MTHFD1L: variants seen among roughly 807,000 people sequenced by gnomAD.
MTHFD1L encodes the protein methylenetetrahydrofolate dehydrogenase (NADP+ dependent) 1 like.
Under a neutral mutation model 119.5 loss-of-function variants are expected in MTHFD1L, and 81 were observed. The ratio of observed to expected loss-of-function variants is 0.68; its 90% CI spans 0.57 to 0.82. MTHFD1L has a LOEUF of 0.82. Ranked by LOEUF, MTHFD1L falls within the 40% of genes least tolerant of loss-of-function variation. MTHFD1L has a pLI of 0.00. For missense variants in MTHFD1L, 1,125 were observed against 1,253.4 expected (o/e 0.90, Z 1.55); for synonymous variants, 430 against 475.2 (o/e 0.90, Z 1.24).
chr6:151,086,464 G>A (rs1793817433), intron 26 of MTHFD1L, among the ~76,000 whole-genome samples: 1 of 152,134 alleles, frequency 6.6e-6, no homozygotes. Flanking sequence ...CCTAATTTCT[G>A]AGCAATTTTT....
intron 26 of MTHFD1L, among the ~76,000 whole-genome samples, chr6:151,048,115 C>T (rs1247123596): frequency 1.3e-5 from 2 of 152,196 alleles, no homozygotes; most frequent in Admixed American, 6.5e-5. Context: ...CCTCCTCCAA[C>T]ACTGAAGATC....
chr6:151,001,936 G>C (rs562743260), intron 20 of MTHFD1L, among the ~76,000 whole-genome samples: 56 of 152,270 alleles, frequency 3.7e-4, no homozygotes, highest in African/African-American at 1.3e-3. Flanking sequence ...AGTAAAGGAA[G>C]GGAGGGTGGG....
intron 21 of MTHFD1L, among the ~76,000 whole-genome samples, chr6:151,012,045 A>AAAAAAAAAAAAAAAAAAC (rs1158473740): frequency 6.8e-6 from 1 of 147,566 alleles, no homozygotes; most frequent in Non-Finnish European, 1.5e-5. Flanking sequence ...AAAAAAAAAA[A>AAAAAAAAAAAAAAAAAAC]AAAAAACCAG....
Position 150,866,596 on chromosome 6 carries a change from G to T in MTHFD1L, c.227+547G>T. 2.5e-6 allele frequency: 3 copies of T among 1,221,632 alleles called. No homozygotes were observed. The South Asian group carries it at 1.2e-4, about 50-fold the overall frequency. The allele number at this position is 1,221,632 out of a possible 1,614,324, so 75.7% of individuals were successfully genotyped here. A position where few individuals can be genotyped will look rare whatever the true frequency, so the allele number is the denominator to read the frequency against. On this transcript the variant is annotated intron_variant, in intron 1 of 27. Coordinates refer to ENST00000367321, the MANE Select transcript of MTHFD1L (RefSeq NM_015440.5). Reference sequence around the variant, plus strand: ...GCGCGCGGCCCCTCCTGCTGGGCTGGGGTCTGTGGCTGACGTCCGCTTTTC... The same window carrying T: ...GCGCGCGGCCCCTCCTGCTGGGCTGTGGTCTGTGGCTGACGTCCGCTTTTC...
At chr6:150,887,238 G>A (rs966008566) in intron 6 of MTHFD1L, among the ~76,000 whole-genome samples, 5 of 152,062 alleles carry the variant, frequency 3.3e-5, no homozygotes, top group African/African-American at 1.2e-4. Flanking sequence ...TTTTCATTAC[G>A]TGGATTATCA....
rs1381721937 is a variant in MTHFD1L, at chr6:150,972,008, T to A, written c.2075T>A (p.Val692Glu). Reference sequence around the variant, plus strand: ...AACATTGCTCACGGCAACTCTTCAGTGTTGGCTGATAAAATTGCCCTGAAA... The same window carrying A: ...AACATTGCTCACGGCAACTCTTCAGAGTTGGCTGATAAAATTGCCCTGAAA... ...FANIAHGNSSVLADKIALKLV... is the reference protein window; with the variant it reads ...FANIAHGNSSELADKIALKLV... The change falls in exon 20 of 28, where the codon GTG becomes GAG. Residue 692 changes from valine to glutamate, a missense_variant. Physicochemically the swap from Val to Glu is moderately radical, Grantham distance 121 (BLOSUM62 -2). Around this residue, in one of 3 missense-constraint regions of MTHFD1L, gnomAD observed 1,058 missense variants for 1,151.2 expected, o/e 0.92. Transcript: ENST00000367321. The A allele has an allele frequency of 2.4e-5, 38 of 1,614,204 alleles. No individual in the cohort carries two copies. Among genetic ancestry groups the A allele is most frequent in the Non-Finnish European group, 3.2e-5 (38 of 1,180,034 alleles).
intron 12 of MTHFD1L, among the ~76,000 whole-genome samples, chr6:150,937,201 C>T (rs1032652748): frequency 2.6e-5 from 4 of 152,126 alleles, no homozygotes; most frequent in African/African-American, 4.8e-5. Context: ...GCCTCGAGTG[C>T]GGTCTCCCAT....
chr6:150,895,582 T>G (rs1411223083), intron 7 of MTHFD1L, among the ~76,000 whole-genome samples: 1 of 151,260 alleles, frequency 6.6e-6, no homozygotes, highest in East Asian at 2.0e-4. Context: ...CTTTCACCTT[T>G]GAAGGATCAA....
chr6:151,088,896 G>A (rs1041097187), intron 26 of MTHFD1L, among the ~76,000 whole-genome samples: 5 of 152,300 alleles, frequency 3.3e-5, no homozygotes, highest in African/African-American at 1.2e-4. Flanking sequence ...AGTTAAAGGC[G>A]GAGAATTGGG....
chr6:150,866,603 T>G, intron 1 of MTHFD1L: 3 of 1,215,862 alleles, frequency 2.5e-6, no homozygotes, highest in Non-Finnish European at 2.0e-6. Context: ...CTGGGGTCTG[T>G]GGCTGACGTC....
At chr6:150,976,820 C>T (rs1033606947) in intron 20 of MTHFD1L, among the ~76,000 whole-genome samples, 1 of 120,516 alleles carries the variant, frequency 8.3e-6, no homozygotes, top group African/African-American at 4.1e-5. Flanking sequence ...GACAAATAAT[C>T]CAATACAAAA....
At chr6:151,012,761 A>T (rs910433053) in intron 21 of MTHFD1L, among the ~76,000 whole-genome samples, 1 of 152,172 alleles carries the variant, frequency 6.6e-6, no homozygotes, top group Non-Finnish European at 1.5e-5. Context: ...ATTGGGTCAC[A>T]TGATTACAGA....
intron 17 of MTHFD1L, among the ~76,000 whole-genome samples, chr6:150,956,801 G>A (rs978980915): frequency 6.6e-6 from 1 of 151,992 alleles, no homozygotes; most frequent in Non-Finnish European, 1.5e-5. Flanking sequence ...CAATCCTTAC[G>A]CCAAATAGAC....
Position 150,949,263 on chromosome 6 carries a change from C to T in MTHFD1L, c.1726+130C>T, listed in dbSNP as rs936998589. The T allele has an allele frequency of 4.4e-6, 3 of 685,884 alleles. No homozygotes were observed. The Admixed American group carries it at 8.0e-5, about 18-fold the overall frequency. 42.5% of individuals were successfully genotyped at this position (685,884 alleles called of 1,614,324 possible). A position where few individuals can be genotyped will look rare whatever the true frequency, so the allele number is the denominator to read the frequency against. The stretch of plus-strand genomic sequence containing the variant: ...CTTCCCAGCCTGTGCTTCATATTCC[C>T]ACCATTTATTTCAGTTACTATTATC... On this transcript the variant is annotated intron_variant, in intron 16 of 27. Transcript: ENST00000367321.
chr6:150,904,837 T>C (rs896605960), intron 7 of MTHFD1L, among the ~76,000 whole-genome samples: 1 of 152,016 alleles, frequency 6.6e-6, no homozygotes, highest in African/African-American at 2.4e-5. Flanking sequence ...CTTTCTACTT[T>C]CTTAGGGCAA....
At chr6:151,082,981 C>T (rs1040658631) in intron 26 of MTHFD1L, among the ~76,000 whole-genome samples, 3 of 152,276 alleles carry the variant, frequency 2.0e-5, no homozygotes, top group Non-Finnish European at 2.9e-5. Context: ...CCAGTAGAAC[C>T]TTTGCACTTG....
At position 151,063,033 on chromosome 6, in the gene MTHFD1L, T is replaced by TTA. The variant is rs1554296446; in HGVS notation, c.2847+25916_2847+25917insTA. 4.2e-3 allele frequency among the ~76,000 whole-genome samples: 607 copies of TTA among 143,350 alleles called. 3 individuals are homozygous for TTA. The highest frequency in any genetic ancestry group is 0.015 in the African/African-American group (559 of 36,566). 94.0% of individuals were successfully genotyped at this position (143,350 alleles called of 152,430 possible). A position where few individuals can be genotyped will look rare whatever the true frequency, so the allele number is the denominator to read the frequency against. On this transcript the variant is annotated intron_variant, in intron 26 of 27. Transcript: ENST00000367321. Reference sequence around the variant, plus strand: ...ATGTACCCTAGAACTTAAAGTACAATAAAAAAAAAAATTAAAGAAAAGAGA... The same window carrying TTA: ...ATGTACCCTAGAACTTAAAGTACAATTAAAAAAAAAAAATTAAAGAAAAGAGA...
At chr6:150,977,143 T>C (rs1468574049) in intron 20 of MTHFD1L, among the ~76,000 whole-genome samples, 1 of 152,192 alleles carries the variant, frequency 6.6e-6, no homozygotes, top group East Asian at 1.9e-4. Context: ...GTAAGTACAA[T>C]GCACTTGATT....
At chr6:151,047,162 A>G (rs1408159581) in intron 26 of MTHFD1L, among the ~76,000 whole-genome samples, 1 of 152,214 alleles carries the variant, frequency 6.6e-6, no homozygotes, top group Admixed American at 6.5e-5. Context: ...CAGTTTTCCC[A>G]TAGTCTAATT....
Sources: gnomAD v4.1 joint callset for allele counts (sites outside exome capture counted in the v4.1 genomes callset) on GRCh38, gnomAD v4.1.1 for gene constraint, gnomAD v4.1.1 regional missense constraint, MANE v1.5 for transcripts, NCBI Gene and HGNC (gene_info 2026-07-23, HGNC 2026-07-21) for gene names.